The following ITFG1 variants were observed in gnomAD, a reference collection of about 807,000 sequenced individuals.
The protein encoded by ITFG1 is T-cell immunomodulatory protein.
Under a neutral mutation model 81.8 loss-of-function variants are expected in ITFG1, and 34 were observed. The observed-to-expected ratio is 0.42, with a 90% CI of 0.32 to 0.55. The LOEUF is 0.55. ITFG1 is among the 20% of genes least tolerant of loss of function. The pLI is 0.17. For synonymous variants in ITFG1, 285 were observed against 270.6 expected (o/e 1.05, Z -0.52); for missense variants, 672 against 755.4 (o/e 0.89, Z 1.29).
chr16:47,268,854 A>G (rs1167763320), intron 10 of ITFG1, among the ~76,000 whole-genome samples: 2 of 152,266 alleles, frequency 1.3e-5, no homozygotes, highest in African/African-American at 4.8e-5. Context: ...TTCCTTTAAT[A>G]TTCAAAAATA....
At chr16:47,406,534 T>C (rs1968731346) in intron 6 of ITFG1, among the ~76,000 whole-genome samples, 1 of 152,198 alleles carries the variant, frequency 6.6e-6, no homozygotes, top group Non-Finnish European at 1.5e-5. Flanking sequence ...AGGTTCTCTT[T>C]TCTCCCCCAA....
intron 12 of ITFG1, among the ~76,000 whole-genome samples, chr16:47,253,674 A>G (rs1966105507): frequency 1.3e-5 from 2 of 152,076 alleles, no homozygotes; most frequent in South Asian, 2.1e-4. Flanking sequence ...GGAGCACACA[A>G]CCTAGATCCC....
intron 13 of ITFG1, among the ~76,000 whole-genome samples, chr16:47,222,741 A>C (rs138423714): frequency 0.062 from 9,463 of 152,162 alleles, 429 homozygotes; most frequent in African/African-American, 0.13. Context: ...CCTGAGTTCT[A>C]GTTTGATTGC....
chr16:47,184,088 A>C (rs557759681), intron 14 of ITFG1, among the ~76,000 whole-genome samples: 3 of 152,162 alleles, frequency 2.0e-5, no homozygotes, highest in Non-Finnish European at 4.4e-5. Context: ...AAAAAGAATA[A>C]AAAGAAATGA....
At chr16:47,431,603 T>C (rs749964531) in intron 5 of ITFG1, among the ~76,000 whole-genome samples, 21 of 152,174 alleles carry the variant, frequency 1.4e-4, no homozygotes, top group Non-Finnish European at 2.4e-4. Context: ...GGGATCCAGA[T>C]AGAGCTGATG....
At chr16:47,378,625 GA>G (rs1445513437) in intron 6 of ITFG1, among the ~76,000 whole-genome samples, 1 of 152,032 alleles carries the variant, frequency 6.6e-6, no homozygotes, top group East Asian at 1.9e-4. Context: ...TTAAAACTTT[GA>G]AAAGTAGTAA....
intron 6 of ITFG1, among the ~76,000 whole-genome samples, chr16:47,404,068 T>C (rs1281706793): frequency 6.6e-6 from 1 of 152,152 alleles, no homozygotes; most frequent in Non-Finnish European, 1.5e-5. Flanking sequence ...CCTTGAATCA[T>C]TCTGAAACCA....
chr16:47,287,235 T>C (rs951250278), intron 10 of ITFG1, among the ~76,000 whole-genome samples: 1 of 152,088 alleles, frequency 6.6e-6, no homozygotes. Flanking sequence ...TAAATATATA[T>C]ATATTTACAT....
At chr16:47,185,394 G>A (rs1965197515) in intron 14 of ITFG1, among the ~76,000 whole-genome samples, 1 of 152,092 alleles carries the variant, frequency 6.6e-6, no homozygotes, top group Non-Finnish European at 1.5e-5. Flanking sequence ...TAAAAGAACA[G>A]AAATTATAAC....
In ITFG1 at chr16:47,460,963, G is replaced by A. The variant is rs1196469570; in HGVS notation, c.83C>T (p.Pro28Leu). The A allele has an allele frequency of 2.5e-6, 4 of 1,604,106 alleles. No homozygotes were observed. The highest frequency in any genetic ancestry group is 2.2e-5 in the South Asian group (2 of 89,816). Residue 28 changes from proline to leucine, a missense_variant, in exon 1 of 18, where the codon CCG (proline) becomes CTG (leucine). Pro to Leu is a moderately conservative substitution (Grantham distance 98). Coordinates refer to ENST00000320640, the MANE Select transcript of ITFG1 (RefSeq NM_030790.5). Reference sequence around the variant, plus strand: ...GTTGTGCAGCGCCCGCGCTGGGACCGGCCCGACTCCCAGTAGTGCAAGCCC... The same window carrying A: ...GTTGTGCAGCGCCCGCGCTGGGACCAGCCCGACTCCCAGTAGTGCAAGCCC... Reference protein sequence around the residue: ...LAGLALLGVGPVPARALHNVT... With the variant: ...LAGLALLGVGLVPARALHNVT...
chr16:47,206,347 C>T (rs962234069), intron 14 of ITFG1, among the ~76,000 whole-genome samples: 2 of 152,186 alleles, frequency 1.3e-5, no homozygotes, highest in Non-Finnish European at 2.9e-5. Flanking sequence ...CTCAAGCCCT[C>T]ATATCCTGTG....
At chr16:47,178,869 C>T (rs1194380863) in intron 14 of ITFG1, among the ~76,000 whole-genome samples, 1 of 152,160 alleles carries the variant, frequency 6.6e-6, no homozygotes, top group East Asian at 1.9e-4. Flanking sequence ...TGAACTTAAA[C>T]AAATTTACAA....
At chr16:47,165,558 T>A (rs1964878197) in intron 14 of ITFG1, among the ~76,000 whole-genome samples, 1 of 152,240 alleles carries the variant, frequency 6.6e-6, no homozygotes, top group South Asian at 2.1e-4. Context: ...AGAGTTGAAT[T>A]AAAAATTAAA....
chr16:47,389,143 T>C (rs1323904332), intron 6 of ITFG1, among the ~76,000 whole-genome samples: 1 of 152,114 alleles, frequency 6.6e-6, no homozygotes, highest in East Asian at 1.9e-4. Flanking sequence ...CTCCTGAACC[T>C]TTTTCGGTCT....
chr16:47,307,300 T>C (rs923976534), intron 10 of ITFG1, among the ~76,000 whole-genome samples: 6 of 152,012 alleles, frequency 3.9e-5, no homozygotes, highest in African/African-American at 1.4e-4. Flanking sequence ...AATTAAAAAT[T>C]GATTGCTGAT....
chr16:47,187,488 C>A (rs1223596833), intron 14 of ITFG1, among the ~76,000 whole-genome samples: 2 of 152,058 alleles, frequency 1.3e-5, no homozygotes, highest in East Asian at 3.9e-4. Context: ...CTTTGACAAA[C>A]CTGAGAAAAA....
At chr16:47,217,419 T>C (rs1049921849) in intron 14 of ITFG1, among the ~76,000 whole-genome samples, 1 of 152,224 alleles carries the variant, frequency 6.6e-6, no homozygotes, top group Admixed American at 6.5e-5. Flanking sequence ...TAACTTCATC[T>C]TGTCATCCTG....
chr16:47,341,649 G>C (rs1967786618), intron 8 of ITFG1, among the ~76,000 whole-genome samples: 1 of 151,924 alleles, frequency 6.6e-6, no homozygotes, highest in Non-Finnish European at 1.5e-5. Flanking sequence ...GGGATAGACA[G>C]ACCATTAGAA....
chr16:47,367,465 T>C (rs1424973694), intron 7 of ITFG1, among the ~76,000 whole-genome samples: 1 of 152,222 alleles, frequency 6.6e-6, no homozygotes, highest in African/African-American at 2.4e-5. Flanking sequence ...TATTTTGGGG[T>C]TGCCATCCAC....
Sources: gnomAD v4.1 joint callset for allele counts (sites outside exome capture counted in the v4.1 genomes callset) on GRCh38, gnomAD v4.1.1 for gene constraint, MANE v1.5 for transcripts, NCBI Gene and HGNC (gene_info 2026-07-23, HGNC 2026-07-21) for gene names.